Variants in NCAN observed in about 807,000 individuals in gnomAD.
NCAN encodes the protein neurocan, also known as neurocan core protein.
NCAN carries 47 observed loss-of-function variants against 121.8 expected under a neutral mutation model. That is an observed-to-expected ratio of 0.39 (90% CI 0.31 to 0.49). The LOEUF (loss-of-function observed/expected upper bound fraction) is 0.49. Ranked by LOEUF, NCAN falls within the 20% of genes least tolerant of loss-of-function variation. The probability of loss-of-function intolerance (pLI) is 0.92; values close to 1 mark genes in which losing one functional copy is unlikely to be tolerated. For missense variants in NCAN, 1,517 were observed against 1,773.4 expected (o/e 0.86, Z 2.60); for synonymous variants, 633 against 702.0 (o/e 0.90, Z 1.55).
intron 10 of NCAN, 134 bp from the exon 11 acceptor site, chr19:19,238,119 G>T: frequency 9.0e-7 from 1 of 1,107,634 alleles, no homozygotes; most frequent in Non-Finnish European, 1.3e-6. Context: ...GAGGGGCCAG[G>T]CATGGGGAGA....
chr19:19,235,022 G>A lies in NCAN; in HGVS notation c.3176G>A (p.Gly1059Asp), dbSNP rs779038079. ...CTCTGCAGCCCCTGTGAGAATGGAGGCACCTGTATTGATGAGGTCAATGGC... is the reference window on the plus strand; with the variant it reads ...CTCTGCAGCCCCTGTGAGAATGGAGACACCTGTATTGATGAGGTCAATGGC... ...DCLCSPCENGGTCIDEVNGFV... is the reference protein window; with the variant it reads ...DCLCSPCENGDTCIDEVNGFV... The change falls in exon 10 of 15, where the codon GGC (glycine) becomes GAC (aspartate). Residue 1059 changes from glycine (G) to aspartate (D), a missense_variant. Physicochemically the swap from Gly to Asp is moderately conservative, Grantham distance 94. Transcript: ENST00000252575. 6.2e-7 allele frequency: 1 copy of A among 1,612,320 alleles called. No homozygotes were observed. Among genetic ancestry groups the A allele is most frequent in the Admixed American group, 1.7e-5 (1 of 59,970 alleles).
At chr19:19,217,980 CA>C (rs2060801981) in intron 2 of NCAN, among the ~76,000 whole-genome samples, 1 of 151,282 alleles carries the variant, frequency 6.6e-6, no homozygotes, top group East Asian at 1.9e-4. Context: ...GAGTCAGACT[CA>C]AAAAAATAAT....
Position 19,226,646 on chromosome 19 carries a change from T to G in NCAN, c.1233T>G (p.Ser411Arg), listed in dbSNP as rs1260101992. The G allele has an allele frequency of 6.2e-7, 1 of 1,613,834 alleles. No individual in the cohort carries two copies. The highest frequency in any genetic ancestry group is 1.1e-5 in the South Asian group (1 of 91,084). ...TPDFQEPLVS[S>R]GEEETLILEE... is the part of the protein sequence containing the mutation. ...ACTTCCAGGAGCCTCTGGTGTCCAG[T>G]GGGGAAGAAGAAACCCTGATTTTGG... The change falls in exon 7 of 15, where the codon AGT becomes AGG. Residue 411 changes from serine to arginine, a missense_variant. By Grantham distance (110) the Ser-to-Arg change is moderately radical. Coordinates refer to ENST00000252575, the MANE Select transcript of NCAN (RefSeq NM_004386.3).
At chr19:19,223,879 C>A in intron 3 of NCAN, 142 bp from the exon 4 acceptor site, 1 of 737,148 alleles carries the variant, frequency 1.4e-6, no homozygotes, top group Non-Finnish European at 2.0e-6. Flanking sequence ...GATCTTGCTC[C>A]CCACCCTCGA....
At chr19:19,241,958 G>C (rs2060904814) in intron 12 of NCAN, among the ~76,000 whole-genome samples, 1 of 152,160 alleles carries the variant, frequency 6.6e-6, no homozygotes, top group South Asian at 2.1e-4. Context: ...ACTTTGGAAG[G>C]CCGAGGCAGG....
Position 19,227,603 on chromosome 19 carries a change from T to A in NCAN, c.1983T>A (p.Gly661=). ...AGGCCAATAGAGTTGAGGCACATGG[T>A]GAGGCCACCGCCACGGCTCCACCCT... is the stretch of plus-strand genomic sequence containing the variant. ...STEANRVEAH[G]EATATAPPSP... The change falls in exon 8 of 15, where the codon GGT becomes GGA. Residue 661 remains glycine, a synonymous_variant. Coordinates refer to ENST00000252575, the MANE Select transcript of NCAN (RefSeq NM_004386.3). This position sits in a 1 kb window ranked among gnomAD's most constrained non-coding sequence, Gnocchi z 4.2. 1.9e-6 allele frequency: 3 copies of A among 1,613,640 alleles called. No homozygotes were observed. The highest frequency in any genetic ancestry group is 1.7e-6 in the Non-Finnish European group (2 of 1,179,964).
At chr19:19,245,486 C>G in intron 13 of NCAN, 29 bp downstream of exon 13, 4 of 1,604,616 alleles carry the variant, frequency 2.5e-6, no homozygotes, top group Admixed American at 1.7e-5. Flanking sequence ...TTCTTTTCCT[C>G]TCTGTCACTT....
chr19:19,218,355 C>T (rs932105874), intron 2 of NCAN, among the ~76,000 whole-genome samples: 9 of 151,676 alleles, frequency 5.9e-5, no homozygotes, highest in South Asian at 2.1e-4. Context: ...CCAGCACTTT[C>T]GGGAGGCTGA....
chr19:19,232,332 C>G (rs755822653), intron 8 of NCAN, among the ~76,000 whole-genome samples: 1 of 152,240 alleles, frequency 6.6e-6, no homozygotes, highest in East Asian at 1.9e-4. Context: ...GCAGTACCAG[C>G]GAGTGACTGA....
intron 12 of NCAN, among the ~76,000 whole-genome samples, chr19:19,244,168 C>T (rs2060915147): frequency 6.6e-6 from 1 of 152,118 alleles, no homozygotes; most frequent in Non-Finnish European, 1.5e-5. Context: ...TCTCTGAGCA[C>T]ACCCCAGCCC....
intron 3 of NCAN, among the ~76,000 whole-genome samples, chr19:19,222,997 T>C (rs1040688924): frequency 6.6e-6 from 1 of 152,012 alleles, no homozygotes; most frequent in Non-Finnish European, 1.5e-5. Context: ...TAGTCCCAGC[T>C]ACTTGGGAGG....
chr19:19,238,488 C>T (rs929976019), intron 11 of NCAN, 77 bp downstream of exon 11: 4 of 1,547,552 alleles, frequency 2.6e-6, no homozygotes, highest in East Asian at 4.5e-5. Context: ...GCCAGGGCAT[C>T]GCATCCCTCC....
chr19:19,237,313 A>G (rs961495349), intron 10 of NCAN, among the ~76,000 whole-genome samples: 2 of 152,052 alleles, frequency 1.3e-5, no homozygotes, highest in African/African-American at 4.8e-5. Context: ...AACATGGAGA[A>G]ACCCCATCTC....
In NCAN at chr19:19,238,279, C is replaced by T. The variant is rs1213098109; in HGVS notation, c.3277C>T (p.His1093Tyr). 2.5e-6 allele frequency: 4 copies of T among 1,614,068 alleles called. No homozygotes were observed. The African/African-American group carries it at 5.3e-5, about 22-fold the overall frequency. Residue 1093 changes from histidine to tyrosine, a missense_variant, in exon 11 of 15, where the codon CAT becomes TAT. Coordinates refer to ENST00000252575, the MANE Select transcript of NCAN (RefSeq NM_004386.3). ...CACCGAGGGCTGTGACCGCGGCTGG[C>T]ATAAGTTCCAGGGCCACTGTTACCG... ...KDTEGCDRGW[H>Y]KFQGHCYRYF...
At chr19:19,245,175 G>C in intron 12 of NCAN, 138 bp from the exon 13 acceptor site, 1 of 1,055,098 alleles carries the variant, frequency 9.5e-7, no homozygotes, top group Non-Finnish European at 1.4e-6. Context: ...GGGCAGGACA[G>C]TGGCCATTGT....
chr19:19,228,397 C>G lies in NCAN; in HGVS notation c.2777C>G (p.Pro926Arg), dbSNP rs376136933. ...PPHQSSPLGK[P>R]AVPPGTPTAA... is the part of the protein sequence containing the mutation. Reference sequence around the variant, plus strand: ...CATCAGAGCAGTCCCCTAGGGAAACCGGCTGTTCCTCCTGGGACACCGACT... The same window carrying G: ...CATCAGAGCAGTCCCCTAGGGAAACGGGCTGTTCCTCCTGGGACACCGACT... The change falls in exon 8 of 15, where the codon CCG becomes CGG. Residue 926 changes from proline to arginine, a missense_variant. Coordinates refer to ENST00000252575, the MANE Select transcript of NCAN (RefSeq NM_004386.3). The G allele has an allele frequency of 1.2e-6, 2 of 1,613,708 alleles. No homozygotes were observed. Among genetic ancestry groups the G allele is most frequent in the Admixed American group, 3.3e-5 (2 of 60,010 alleles).
intron 9 of NCAN, 54 bp from the exon 10 acceptor site, chr19:19,234,929 C>A: frequency 8.3e-7 from 1 of 1,208,252 alleles, no homozygotes; most frequent in South Asian, 1.3e-5. Context: ...CCTGTGGGGG[C>A]TCAGAGCCAA....
rs755474031 is a variant in NCAN at position 19,226,911 on chromosome 19, C to T, written c.1498C>T (p.Leu500=). The change falls in exon 7 of 15, where the codon CTG becomes TTG. Residue 500 remains leucine (L), a synonymous_variant. Transcript: ENST00000252575. ...CCAGCAGCAGGAACCGGAGCCGGGG[C>T]TGCAAGGGGGGATGGAGGCCAGCGC... ...YFQQQEPEPG[L]QGGMEASAQP... 79 of 1,603,372 alleles carry T rather than the reference C, an allele frequency of 4.9e-5. No homozygotes were observed. The highest frequency in any genetic ancestry group is 6.3e-5 in the Non-Finnish European group (74 of 1,173,784).
rs2060806320 is a variant in NCAN at position 19,219,121 on chromosome 19, C to T, written c.280C>T (p.Leu94=). The T allele has an allele frequency of 5.6e-6, 9 of 1,613,440 alleles. No individual in the cohort carries two copies. The South Asian group carries it at 9.9e-5, about 18-fold the overall frequency. The part of the protein sequence containing the change: ...ASGQRQDLPI[L]VAKDNVVRVA... ...GGGCCAGCGACAGGACTTGCCCATC[C>T]TGGTGGCCAAGGACAATGTCGTGAG... The change falls in exon 3 of 15, where the codon CTG becomes TTG. Residue 94 remains leucine (L), a synonymous_variant. Transcript: ENST00000252575.
Sources: allele counts gnomAD v4.1 joint callset (sites outside exome capture counted in the v4.1 genomes callset), GRCh38; gene constraint gnomAD v4.1.1; non-coding constraint Gnocchi (gnomAD v3.1); transcripts MANE v1.5; gene names NCBI Gene and HGNC (gene_info 2026-07-23, HGNC 2026-07-21).